The following USP1 variants were observed in gnomAD, a reference collection of about 807,000 sequenced individuals.
USP1 encodes the protein ubiquitin carboxyl-terminal hydrolase 1.
Under a neutral mutation model 72.2 loss-of-function variants are expected in USP1, and 18 were observed. The ratio of observed to expected loss-of-function variants is 0.25; its 90% confidence interval spans 0.17 to 0.37. The LOEUF (loss-of-function observed/expected upper bound fraction) is 0.37. Among genes scored for constraint, USP1 ranks in the 10% least tolerant of loss-of-function variants. The pLI is 1.00. For synonymous variants in USP1, 354 were observed against 303.7 expected (o/e 1.17, Z -1.72); for missense variants, 759 against 884.9 (o/e 0.86, Z 1.81).
Position 62,450,535 on chromosome 1 carries a change from A to G in USP1, c.1912A>G (p.Asn638Asp), listed in dbSNP as rs1328681943. 4.3e-6 allele frequency: 7 copies of G among 1,613,878 alleles called. No homozygotes were observed. Among genetic ancestry groups the G allele is most frequent in the Non-Finnish European group, 5.9e-6 (7 of 1,180,030 alleles). Residue 638 changes from asparagine to aspartate, a missense_variant, in exon 9 of 9, where the codon AAT (asparagine) becomes GAT (aspartate). This residue lies in a region of USP1 where 159 missense variants were observed against 140.9 expected (regional missense o/e 1.13). Transcript: ENST00000339950. ...GGAGGAAGCAAGGGGTGTGGTTGAG[A>G]ATTATAATGATGAAGAAGTGTCAAT... ...NEEEARGVVE[N>D]YNDEEVSIRV...
In USP1 at chr1:62,445,290, A is replaced by G. The variant is rs1332924343; in HGVS notation, c.1110A>G (p.Gln370=). 2.5e-6 allele frequency: 4 copies of G among 1,613,610 alleles called. No individual in the cohort carries two copies. The highest frequency in any genetic ancestry group is 4.5e-5 in the East Asian group (2 of 44,840). The change falls in exon 6 of 9, where the codon CAA becomes CAG. Residue 370 remains glutamine (Q), a synonymous_variant. Coordinates refer to ENST00000339950, the MANE Select transcript of USP1 (RefSeq NM_003368.5). ...KITTNQGVKG[Q]SKENECDPEE... ...CAACAAACCAAGGAGTCAAAGGACAATCTAAAGAAAATGAATGTGATCCTG... is the reference window on the plus strand; with the variant it reads ...CAACAAACCAAGGAGTCAAAGGACAGTCTAAAGAAAATGAATGTGATCCTG...
At chr1:62,439,304 C>T (rs1419826726) in intron 1 of USP1, among the ~76,000 whole-genome samples, 1 of 152,172 alleles carries the variant, frequency 6.6e-6, no homozygotes, top group Non-Finnish European at 1.5e-5. Flanking sequence ...CCTGTCTCAG[C>T]CTCCTGAGTA....
chr1:62,440,004 A>T lies in USP1; in HGVS notation c.137A>T (p.Glu46Val), dbSNP rs763882520. 1.3e-6 allele frequency: 2 copies of T among 1,545,850 alleles called. No individual in the cohort carries two copies. Residue 46 changes from glutamate to valine, a missense_variant, in exon 2 of 9, where the codon GAA becomes GTA. By Grantham distance (121) the Glu-to-Val change is moderately radical (BLOSUM62 -2). Coordinates refer to ENST00000339950, the MANE Select transcript of USP1 (RefSeq NM_003368.5). ...GATTTCACAGATTCTCAAGAAAATG[A>T]AGAAAAAGCTTCTGAATATAGAGCA... ...ALDFTDSQEN[E>V]EKASEYRASE...
intron 8 of USP1, among the ~76,000 whole-genome samples, chr1:62,449,850 C>T (rs1251881374): frequency 1.3e-5 from 2 of 151,550 alleles, no homozygotes. Context: ...TCACTTGAGT[C>T]CAGAAGGAGC....
At position 62,448,656 on chromosome 1, in the gene USP1, A is replaced by G. The variant is rs1290003328; in HGVS notation, c.1612A>G (p.Ser538Gly). Residue 538 changes from serine to glycine, a missense_variant, in exon 8 of 9, where the codon AGT (serine) becomes GGT (glycine). Transcript: ENST00000339950. ...ITIHLKCFAA[S>G]GLEFDCYGGG... The stretch of plus-strand genomic sequence containing the variant: ...TATTCATTTGAAGTGCTTTGCTGCT[A>G]GTGGTTTGGAGTAAGTATTGTAAAT... The G allele has an allele frequency of 1.2e-6, 2 of 1,612,404 alleles. No individual in the cohort carries two copies. The highest frequency in any genetic ancestry group is 1.7e-5 in the Admixed American group (1 of 60,000).
upstream of USP1, chr1:62,436,396 G>C (rs1208803260): frequency 6.6e-6 from 1 of 152,234 alleles, no homozygotes; most frequent in Non-Finnish European, 1.5e-5. Flanking sequence ...GATTTTAACA[G>C]TCGGCAGCGA....
Position 62,440,026 on chromosome 1 carries a change from A to C in USP1, c.159A>C (p.Arg53Ser), listed in dbSNP as rs749983711. The C allele has an allele frequency of 3.9e-6, 6 of 1,523,092 alleles. No individual in the cohort carries two copies. The East Asian group carries it at 1.4e-4, about 36-fold the overall frequency. The allele number at this position is 1,523,092 out of a possible 1,614,324, so 94.3% of individuals were successfully genotyped here. ...ATGAAGAAAAAGCTTCTGAATATAG[A>C]GCATCTGAAATGTATGTATCTTACA... is the stretch of plus-strand genomic sequence containing the variant. ...QENEEKASEY[R>S]ASEIDQVVPA... Residue 53 changes from arginine to serine, a missense_variant, in exon 2 of 9, where the codon AGA (arginine) becomes AGC (serine). Physicochemically the swap from Arg to Ser is moderately radical, Grantham distance 110. Transcript: ENST00000339950.
rs955924989 is a variant in USP1 at position 62,445,348 on chromosome 1, A to G, written c.1168A>G (p.Thr390Ala). 2.7e-5 allele frequency: 44 copies of G among 1,611,996 alleles called. No individual in the cohort carries two copies. Among genetic ancestry groups the G allele is most frequent in the Non-Finnish European group, 3.6e-5 (43 of 1,179,484 alleles). Residue 390 changes from threonine to alanine, a missense_variant, in exon 6 of 9, where the codon ACA (threonine) becomes GCA (alanine). Coordinates refer to ENST00000339950, the MANE Select transcript of USP1 (RefSeq NM_003368.5). Reference sequence around the variant, plus strand: ...CTTGGGGAAGTGTGAAAGTGATAACACAACTAATGGTTGTGGACTTGAATC... The same window carrying G: ...CTTGGGGAAGTGTGAAAGTGATAACGCAACTAATGGTTGTGGACTTGAATC... ...EDLGKCESDNTTNGCGLESPG... is the reference protein window; with the variant it reads ...EDLGKCESDNATNGCGLESPG...
At position 62,441,361 on chromosome 1, in the gene USP1, T is replaced by C. The variant is rs910329204; in HGVS notation, c.171-127T>C. On this transcript the variant is annotated intron_variant, in intron 2 of 8. Transcript: ENST00000339950. ...TGAGCCTGTATTTCTTAAAATGTCA[T>C]CTGAACAAGATTCACATACTTTTCA... 3.5e-6 allele frequency: 4 copies of C among 1,148,598 alleles called. No individual in the cohort carries two copies. The African/African-American group carries it at 6.4e-5, about 18-fold the overall frequency. 71.2% of individuals were successfully genotyped at this position (1,148,598 alleles called of 1,614,324 possible). A position where few individuals can be genotyped will look rare whatever the true frequency, so the allele number is the denominator to read the frequency against.
chr1:62,447,592 T>G (rs1645184505), intron 7 of USP1, 81 bp downstream of exon 7: 11 of 1,471,122 alleles, frequency 7.5e-6, no homozygotes, highest in Non-Finnish European at 1.0e-5. Flanking sequence ...TAGTAGCTGG[T>G]GTAATTAGGG....
chr1:62,446,982 T>C (rs141556251), intron 6 of USP1, among the ~76,000 whole-genome samples: 7,590 of 151,984 alleles, frequency 0.05, 247 homozygotes, highest in Middle Eastern at 0.12. Context: ...ACCCGGCTAA[T>C]TTTGTATTTT....
intron 5 of USP1, 142 bp from the exon 6 acceptor site, chr1:62,444,596 C>G (rs1645156900): frequency 1.6e-6 from 1 of 634,162 alleles, no homozygotes; most frequent in African/African-American, 1.9e-5. Flanking sequence ...ATAAGAAATT[C>G]CAAATTAGTG....
At chr1:62,450,104 C>G (rs1354540549) in intron 8 of USP1, 142 bp from the exon 9 acceptor site, 1 of 929,770 alleles carries the variant, frequency 1.1e-6, no homozygotes, top group Non-Finnish European at 1.5e-6. Context: ...AAGTTGGGGT[C>G]TTGTTTTGAT....
At chr1:62,442,151 A>G (rs375820661) in intron 3 of USP1, 44 bp from the exon 4 acceptor site, 1 of 1,278,300 alleles carries the variant, frequency 7.8e-7, no homozygotes, top group African/African-American at 1.5e-5. Context: ...TTTTACGTGT[A>G]TTGTTTGTTC....
At chr1:62,444,679 G>T in intron 5 of USP1, 59 bp from the exon 6 acceptor site, 1 of 1,261,678 alleles carries the variant, frequency 7.9e-7, no homozygotes, top group Non-Finnish European at 1.1e-6. Context: ...TTTCTATATA[G>T]GCTTTATGTA....
rs1441955250 is a variant in USP1, at chr1:62,439,996, A to G, written c.129A>G (p.Gln43=). ...GAGCTTTGGATTTCACAGATTCTCA[A>G]GAAAATGAAGAAAAAGCTTCTGAAT... ...TKRALDFTDS[Q]ENEEKASEYR... The change falls in exon 2 of 9, where the codon CAA becomes CAG. Residue 43 remains glutamine, a synonymous_variant. Transcript: ENST00000339950. The G allele has an allele frequency of 6.5e-7, 1 of 1,547,630 alleles. No homozygotes were observed. Among genetic ancestry groups the G allele is most frequent in the Non-Finnish European group, 8.7e-7 (1 of 1,155,138 alleles).
In USP1 at chr1:62,439,962, A is replaced by G; in HGVS notation, c.95A>G (p.Glu32Gly). The G allele has an allele frequency of 6.4e-7, 1 of 1,567,016 alleles. No homozygotes were observed. The highest frequency in any genetic ancestry group is 8.6e-7 in the Non-Finnish European group (1 of 1,161,564). Residue 32 changes from glutamate (E) to glycine (G), a missense_variant, in exon 2 of 9, where the codon GAA (glutamate) becomes GGA (glycine). This residue lies in a region of USP1 where 86 missense variants were observed against 82.0 expected (regional missense o/e 1.05). Transcript: ENST00000339950. ...TCCTTAAAGTTTTTTCAGAAAAAGGAAACTAAGAGAGCTTTGGATTTCACA... is the reference window on the plus strand; with the variant it reads ...TCCTTAAAGTTTTTTCAGAAAAAGGGAACTAAGAGAGCTTTGGATTTCACA... ...RLSLKFFQKK[E>G]TKRALDFTDS...
Position 62,451,221 on chromosome 1 carries a change from T to G in USP1, c.*240T>G. 2.9e-6 allele frequency: 1 copy of G among 350,318 alleles called. No individual in the cohort carries two copies. Among genetic ancestry groups the G allele is most frequent in the East Asian group, 4.8e-5 (1 of 20,984 alleles). 21.7% of individuals were successfully genotyped at this position (350,318 alleles called of 1,614,324 possible). On this transcript the variant is annotated 3_prime_UTR_variant, in exon 9 of 9. Transcript: ENST00000339950. ...CTGGGAACAAACTTGTATCGGTTCTTAATTAAATTATCCAAAACGGAGGCA... is the reference window on the plus strand; with the variant it reads ...CTGGGAACAAACTTGTATCGGTTCTGAATTAAATTATCCAAAACGGAGGCA...
intron 6 of USP1, among the ~76,000 whole-genome samples, chr1:62,446,532 T>C (rs1645175492): frequency 6.6e-6 from 1 of 152,212 alleles, no homozygotes; most frequent in Admixed American, 6.5e-5. Flanking sequence ...TAAGCATAGA[T>C]ATGTAAACAT....
Sources: allele counts gnomAD v4.1 joint callset (sites outside exome capture counted in the v4.1 genomes callset), GRCh38; gene constraint gnomAD v4.1.1; regional missense constraint gnomAD v4.1.1; transcripts MANE v1.5; gene names NCBI Gene and HGNC (gene_info 2026-07-23, HGNC 2026-07-21).